The following ZNF469 variants were observed in gnomAD, a reference collection of about 807,000 sequenced individuals.
ZNF469 encodes zinc finger protein 469.
A neutral mutation model predicts 1.0 loss-of-function variants in ZNF469; 1 was observed. That is an observed-to-expected ratio of 1.00 (90% CI 0.35 to 4.73). The LOEUF (loss-of-function observed/expected upper bound fraction) is 4.73. ZNF469 is among the 30% of genes most tolerant of loss of function. The pLI, the probability that ZNF469 is intolerant of heterozygous loss-of-function variation, is 0.16. For synonymous variants in ZNF469, 2,703 were observed against 2,363.4 expected, an observed-to-expected ratio of 1.14 and a Z score of -4.17; for missense variants, 6,100 against 5,356.3, an observed-to-expected ratio of 1.14 and a Z score of -4.33.
chr16:88,334,616 T>C, the ZNF469 span, among the ~76,000 whole-genome samples: 3 of 152,366 alleles, frequency 2.0e-5, no homozygotes, highest in African/African-American at 7.2e-5. Context: ...GACCAATTCA[T>C]GTCCACCTGG....
rs868468606 is a variant in ZNF469 at position 88,428,944 on chromosome 16, C to T, written c.1474C>T (p.Arg492Trp). The change falls in exon 3 of 3, where the codon CGG (arginine) becomes TGG (tryptophan). Residue 492 changes from arginine (R) to tryptophan (W), a missense_variant. Transcript: ENST00000565624. ...TTGGCCCCAAGTGCTCCCGACCGCC[C>T]GGCCAAGTCCCCACGGAATGGAGAT... ...LPWPQVLPTA[R>W]PSPHGMEMLS... is the part of the protein sequence containing the mutation. The T allele has an allele frequency of 1.9e-5, 29 of 1,546,808 alleles. 1 individual carries two copies. The Admixed American group carries it at 2.0e-4, about 10-fold the overall frequency.
chr16:88,136,779 A>G, the ZNF469 span, among the ~76,000 whole-genome samples: 2 of 152,308 alleles, frequency 1.3e-5, no homozygotes, highest in South Asian at 4.1e-4. Context: ...GACGATTCTC[A>G]TGTACCGAGC....
chr16:88,183,403 C>A, the ZNF469 span, among the ~76,000 whole-genome samples: 9 of 152,238 alleles, frequency 5.9e-5, no homozygotes, highest in East Asian at 1.9e-4. Context: ...CACAGGTGAA[C>A]CCGTGAGCAA....
the ZNF469 span, among the ~76,000 whole-genome samples, chr16:88,325,838 A>G: frequency 6.6e-6 from 1 of 150,930 alleles, no homozygotes. Flanking sequence ...TCTTCCACGC[A>G]TCCCAGATGG....
the ZNF469 span, among the ~76,000 whole-genome samples, chr16:88,288,309 G>T: frequency 6.6e-6 from 1 of 152,162 alleles, no homozygotes; most frequent in African/African-American, 2.4e-5. Flanking sequence ...AGGCACGCAT[G>T]TTGAGAACTT....
At chr16:88,393,900 C>T (rs1429221372) in intron 1 of ZNF469, among the ~76,000 whole-genome samples, 1 of 152,206 alleles carries the variant, frequency 6.6e-6, no homozygotes, top group Non-Finnish European at 1.5e-5. Flanking sequence ...CCCCAAAGGG[C>T]GAGCCATGCT....
chr16:88,285,483 C>T, the ZNF469 span, among the ~76,000 whole-genome samples: 2 of 152,264 alleles, frequency 1.3e-5, no homozygotes, highest in Admixed American at 1.3e-4. Context: ...GGCATTGCCA[C>T]AGCCAGCGTG....
At chr16:88,229,527 T>C in the ZNF469 span, among the ~76,000 whole-genome samples, 2 of 151,556 alleles carry the variant, frequency 1.3e-5, no homozygotes, top group African/African-American at 4.9e-5. Context: ...TGTGCGTGTG[T>C]GCTGATGTCA....
the ZNF469 span, among the ~76,000 whole-genome samples, chr16:88,227,237 G>A: frequency 6.6e-6 from 1 of 152,210 alleles, no homozygotes. Context: ...GCGGGCACCT[G>A]ACTAGTCTTG....
chr16:88,434,190 C>T lies in ZNF469; in HGVS notation c.6720C>T (p.His2240=). 1 of 1,550,402 alleles carries T rather than the reference C, an allele frequency of 6.4e-7. No homozygotes were observed. Among genetic ancestry groups the T allele is most frequent in the Non-Finnish European group, 8.7e-7 (1 of 1,146,986 alleles). Residue 2240 remains histidine, a synonymous_variant, in exon 3 of 3, where the codon CAC becomes CAT. Coordinates refer to ENST00000565624, the MANE Select transcript of ZNF469 (RefSeq NM_001367624.2). ...PGSVSAVTCT[H]SGDTPKDSTL... ...CCGTCAGTGCTGTAACCTGCACTCA[C>T]AGTGGGGACACCCCCAAAGACAGCA...
At chr16:88,422,214 G>A (rs12930693) in intron 1 of ZNF469, among the ~76,000 whole-genome samples, 113,110 of 137,204 alleles carry the variant, frequency 0.82, 48,371 homozygotes, top group South Asian at 0.96. Flanking sequence ...ATGCATGGGT[G>A]AGTGGGTGGA....
chr16:88,167,092 C>T, the ZNF469 span, among the ~76,000 whole-genome samples: 3 of 143,860 alleles, frequency 2.1e-5, no homozygotes, highest in South Asian at 6.7e-4. Flanking sequence ...GAGGGAAATC[C>T]CATCTGTCCT....
chr16:88,172,376 A>C, the ZNF469 span, among the ~76,000 whole-genome samples: 2 of 152,172 alleles, frequency 1.3e-5, no homozygotes, highest in African/African-American at 4.8e-5. Flanking sequence ...ATAATATGAA[A>C]ATCCTCAGAA....
chr16:88,435,781 G>T lies in ZNF469; in HGVS notation c.8311G>T (p.Gly2771Trp). The change falls in exon 3 of 3, where the codon GGG becomes TGG. Residue 2771 changes from glycine (G) to tryptophan (W), a missense_variant. By Grantham distance (184) the Gly-to-Trp change is radical. Transcript: ENST00000565624. Reference protein sequence around the residue: ...TKALGVCKESGSEPAEDSSRA... With the variant: ...TKALGVCKESWSEPAEDSSRA... Reference sequence around the variant, plus strand: ...GGCGTTGGGTGTGTGCAAAGAGTCTGGGAGCGAGCCTGCGGAGGACAGCAG... The same window carrying T: ...GGCGTTGGGTGTGTGCAAAGAGTCTTGGAGCGAGCCTGCGGAGGACAGCAG... The T allele has an allele frequency of 6.4e-7, 1 of 1,550,680 alleles. No homozygotes were observed. The highest frequency in any genetic ancestry group is 1.2e-5 in the South Asian group (1 of 84,064).
At chr16:88,333,168 C>T in the ZNF469 span, among the ~76,000 whole-genome samples, 1 of 152,160 alleles carries the variant, frequency 6.6e-6, no homozygotes, top group Non-Finnish European at 1.5e-5. Flanking sequence ...ACCGTCCATC[C>T]GTGAGTCCCC....
the ZNF469 span, among the ~76,000 whole-genome samples, chr16:88,184,462 C>T: frequency 6.6e-6 from 1 of 151,918 alleles, no homozygotes; most frequent in Admixed American, 6.6e-5. Context: ...TTCTTGGCCA[C>T]ATCGTCTTCG....
At chr16:88,223,997 C>G in the ZNF469 span, among the ~76,000 whole-genome samples, 8 of 152,158 alleles carry the variant, frequency 5.3e-5, no homozygotes, top group African/African-American at 1.9e-4. Flanking sequence ...TCCATTCGCC[C>G]AGTCATTTCT....
the ZNF469 span, among the ~76,000 whole-genome samples, chr16:88,302,726 C>T: frequency 1.3e-5 from 2 of 152,188 alleles, no homozygotes; most frequent in African/African-American, 4.8e-5. Context: ...CTCCGAGGCC[C>T]CTGTCCCTGC....
At chr16:88,269,557 C>G in the ZNF469 span, among the ~76,000 whole-genome samples, 1 of 152,048 alleles carries the variant, frequency 6.6e-6, no homozygotes, top group South Asian at 2.1e-4. Context: ...CTCTTAAGAC[C>G]CCTGCACACA....
Sources: allele counts gnomAD v4.1 joint callset (sites outside exome capture counted in the v4.1 genomes callset), GRCh38; gene constraint gnomAD v4.1.1; transcripts MANE v1.5; gene names NCBI Gene and HGNC (gene_info 2026-07-23, HGNC 2026-07-21).